The following ATP11B variants were observed in gnomAD, a reference collection of about 807,000 sequenced individuals.
The protein encoded by ATP11B is phospholipid-transporting ATPase IF.
Under a neutral mutation model 157.8 loss-of-function variants are expected in ATP11B, and 81 were observed. The observed-to-expected ratio is 0.51, with a 90% CI of 0.43 to 0.62. ATP11B has a LOEUF of 0.62. ATP11B is among the 20% of genes least tolerant of loss of function. The probability of loss-of-function intolerance (pLI) is 0.00; values close to 1 mark genes in which losing one functional copy is unlikely to be tolerated. For synonymous variants in ATP11B, 451 were observed against 469.4 expected, an observed-to-expected ratio of 0.96 and a Z score of 0.51; for missense variants, 1,165 against 1,402.2, an observed-to-expected ratio of 0.83 and a Z score of 2.70.
chr3:182,850,621 T>TA (rs1425837007), intron 10 of ATP11B, among the ~76,000 whole-genome samples: 7 of 152,168 alleles, frequency 4.6e-5, no homozygotes, highest in Non-Finnish European at 8.8e-5. Context: ...AGAAAACTCT[T>TA]ATACGTGGTT....
At chr3:182,883,111 A>T (rs1045455313) in intron 21 of ATP11B, among the ~76,000 whole-genome samples, 3 of 152,210 alleles carry the variant, frequency 2.0e-5, no homozygotes, top group African/African-American at 7.2e-5. Context: ...ACAAAATTTT[A>T]AAGTATGCCT....
At chr3:182,895,956 C>T (rs1455514013) in intron 25 of ATP11B, among the ~76,000 whole-genome samples, 2 of 152,090 alleles carry the variant, frequency 1.3e-5, no homozygotes, top group African/African-American at 2.4e-5. Flanking sequence ...CCCGAACCCC[C>T]GTGAAATGTT....
intron 10 of ATP11B, among the ~76,000 whole-genome samples, chr3:182,856,714 TC>T (rs1720434761): frequency 1.3e-5 from 2 of 152,204 alleles, no homozygotes; most frequent in Non-Finnish European, 2.9e-5. Flanking sequence ...TTATTTACTG[TC>T]ACAGCAGAAT....
intron 1 of ATP11B, among the ~76,000 whole-genome samples, chr3:182,817,382 G>A (rs1717029926): frequency 6.6e-6 from 1 of 151,988 alleles, no homozygotes; most frequent in Admixed American, 6.6e-5. Context: ...CCGGGTTCAA[G>A]CAGTTCCCCT....
chr3:182,915,898 T>G (rs1418296214), intron 29 of ATP11B: 1 of 966,044 alleles, frequency 1.0e-6, no homozygotes, highest in East Asian at 1.1e-4. Context: ...AATGTTTAAC[T>G]TAGTAATTAA....
At chr3:182,842,231 G>T in intron 8 of ATP11B, 109 bp downstream of exon 8, 2 of 765,164 alleles carry the variant, frequency 2.6e-6, no homozygotes, top group Admixed American at 2.6e-5. Context: ...TCATGGGAAA[G>T]GGTTAATTTT....
At chr3:182,896,878 G>T in intron 26 of ATP11B, 113 bp downstream of exon 26, 5 of 738,446 alleles carry the variant, frequency 6.8e-6, no homozygotes, top group East Asian at 2.6e-5. Context: ...TTTCAATAAC[G>T]ATTAATTTCA....
intron 4 of ATP11B, chr3:182,833,828 G>A (rs1031388467): frequency 1.3e-5 from 2 of 152,152 alleles, no homozygotes; most frequent in African/African-American, 4.8e-5. Context: ...GAACTACTTG[G>A]GCAAAGGCCC....
At chr3:182,899,361 T>C (rs1723792727) in intron 28 of ATP11B, among the ~76,000 whole-genome samples, 2 of 151,762 alleles carry the variant, frequency 1.3e-5, no homozygotes, top group Non-Finnish European at 2.9e-5. Flanking sequence ...CCATGTTGGC[T>C]AGACTGGTCT....
At chr3:182,839,563 T>C (rs1047561523) in intron 7 of ATP11B, among the ~76,000 whole-genome samples, 2 of 151,776 alleles carry the variant, frequency 1.3e-5, no homozygotes, top group Non-Finnish European at 2.9e-5. Flanking sequence ...GTAGGATTTC[T>C]ACTGATTTTT....
rs1577133558 is a variant in ATP11B, at chr3:182,920,175, A to C, written c.*2071A>C. 1 of 152,302 alleles carries C rather than the reference A, an allele frequency of 6.6e-6. No homozygotes were observed. The highest frequency in any genetic ancestry group is 1.9e-4 in the East Asian group (1 of 5,184). 9.4% of individuals were successfully genotyped at this position (152,302 alleles called of 1,614,324 possible). A position where few individuals can be genotyped will look rare whatever the true frequency, so the allele number is the denominator to read the frequency against. ...CTATGACCAACTGCAGCAAGACAGGAGGTCAGCTCGCCTATAATGGTGCTT... is the reference window on the plus strand; with the variant it reads ...CTATGACCAACTGCAGCAAGACAGGCGGTCAGCTCGCCTATAATGGTGCTT... On this transcript the variant is annotated 3_prime_UTR_variant, in exon 30 of 30. Coordinates refer to ENST00000323116, the MANE Select transcript of ATP11B (RefSeq NM_014616.3).
chr3:182,907,731 A>G (rs9870669), intron 28 of ATP11B, among the ~76,000 whole-genome samples: 2 of 152,180 alleles, frequency 1.3e-5, no homozygotes, highest in Non-Finnish European at 2.9e-5. Flanking sequence ...CAAAGCAGAT[A>G]ATCTCCTAAG....
Position 182,921,611 on chromosome 3 carries a change from TAAAA to T in ATP11B, c.*3509_*3512del, listed in dbSNP as rs1725496874. On this transcript the variant is annotated 3_prime_UTR_variant, in exon 30 of 30. Coordinates refer to ENST00000323116, the MANE Select transcript of ATP11B (RefSeq NM_014616.3). ...AGTTTATGAAGTTATATTTATCAAATAAAAACTTTCCTATATAATTAAAAGTGTT... is the reference window on the plus strand; with the variant it reads ...AGTTTATGAAGTTATATTTATCAAATACTTTCCTATATAATTAAAAGTGTT... 6.6e-6 allele frequency: 1 copy of T among 152,210 alleles called. No individual in the cohort carries two copies. Among genetic ancestry groups the T allele is most frequent in the African/African-American group, 2.4e-5 (1 of 41,462 alleles). The allele number at this position is 152,210 out of a possible 1,614,324, so 9.4% of individuals were successfully genotyped here.
chr3:182,815,511 C>A (rs1473626489), intron 1 of ATP11B, among the ~76,000 whole-genome samples: 1 of 152,078 alleles, frequency 6.6e-6, no homozygotes, highest in Admixed American at 6.5e-5. Flanking sequence ...TTTTCATGTG[C>A]CTGTATACTT....
chr3:182,827,256 T>C (rs1291954392), intron 2 of ATP11B, among the ~76,000 whole-genome samples: 1 of 152,176 alleles, frequency 6.6e-6, no homozygotes, highest in Non-Finnish European at 1.5e-5. Flanking sequence ...GCCCTTGTAA[T>C]ACAGCATTAT....
intron 2 of ATP11B, among the ~76,000 whole-genome samples, chr3:182,824,336 G>A (rs1717578706): frequency 6.6e-6 from 1 of 152,144 alleles, no homozygotes; most frequent in Non-Finnish European, 1.5e-5. Context: ...TTGTTGATGA[G>A]GCTGTAGTTT....
In ATP11B at chr3:182,837,117, A is replaced by G. The variant is rs371920564; in HGVS notation, c.599A>G (p.Asn200Ser). ...PETALLQTVANLDTLVAVIEC... is the reference protein window; with the variant it reads ...PETALLQTVASLDTLVAVIEC... ...ACAGCATTATTACAAACAGTTGCCA[A>G]TTTGGACACTCTAGTAGCTGTAATA... Residue 200 changes from asparagine to serine, a missense_variant, in exon 7 of 30, where the codon AAT (asparagine) becomes AGT (serine). Physicochemically the swap from Asn to Ser is conservative, Grantham distance 46. Transcript: ENST00000323116. The G allele has an allele frequency of 5.0e-5, 81 of 1,613,452 alleles. No homozygotes were observed. The East Asian group carries it at 6.9e-4, about 14-fold the overall frequency.
intron 8 of ATP11B, 22 bp downstream of exon 8, chr3:182,842,144 C>A: frequency 6.5e-7 from 1 of 1,548,348 alleles, no homozygotes. Context: ...TTTGTGTTAT[C>A]TAATTACCTT....
chr3:182,898,899 A>G, intron 28 of ATP11B, 127 bp downstream of exon 28: 1 of 580,248 alleles, frequency 1.7e-6, no homozygotes, highest in Non-Finnish European at 2.7e-6. Context: ...ACTATTTTGT[A>G]ACATAAACAT....
Sources: gnomAD v4.1 joint callset for allele counts (sites outside exome capture counted in the v4.1 genomes callset) on GRCh38, gnomAD v4.1.1 for gene constraint, MANE v1.5 for transcripts, NCBI Gene and HGNC (gene_info 2026-07-23, HGNC 2026-07-21) for gene names.